Variants in KCNA2 observed in about 807,000 individuals in gnomAD.
KCNA2 encodes the protein potassium channel, voltage gated shaker related subfamily A, member 2.
Under a neutral mutation model 33.4 loss-of-function variants are expected in KCNA2, and 11 were observed. The observed-to-expected ratio is 0.33, with a 90% CI of 0.21 to 0.55. The LOEUF (loss-of-function observed/expected upper bound fraction) is 0.55, where lower values mean the gene tolerates loss of function less well. KCNA2 is among the 20% of genes least tolerant of loss of function. The probability of loss-of-function intolerance (pLI) is 0.93; values close to 1 mark genes in which losing one functional copy is unlikely to be tolerated. For synonymous variants in KCNA2, 222 were observed against 231.3 expected, an observed-to-expected ratio of 0.96 and a Z score of 0.37; for missense variants, 291 against 621.6, an observed-to-expected ratio of 0.47 and a Z score of 5.66.
Position 110,596,669 on chromosome 1 carries a change from G to T in KCNA2, c.*6614C>A. 1.1e-6 allele frequency: 1 copy of T among 921,128 alleles called. No homozygotes were observed. The highest frequency in any genetic ancestry group is 1.3e-6 in the Non-Finnish European group (1 of 771,388). 57.1% of individuals were successfully genotyped at this position (921,128 alleles called of 1,614,324 possible). A position where few individuals can be genotyped will look rare whatever the true frequency, so the allele number is the denominator to read the frequency against. On this transcript the variant is annotated 3_prime_UTR_variant, in exon 3 of 3. Transcript: ENST00000316361. ...TCAAACACTCTACTTAACTAAGGCAGGAAAGTTATGCTAACCTACTTAGGA... is the reference window on the plus strand; with the variant it reads ...TCAAACACTCTACTTAACTAAGGCATGAAAGTTATGCTAACCTACTTAGGA...
At chr1:110,609,729 A>T (rs746927968), upstream of KCNA2, among the ~76,000 whole-genome samples, 3 of 152,212 alleles carry the variant, frequency 2.0e-5, no homozygotes, top group Non-Finnish European at 4.4e-5. Flanking sequence ...AAGGGGGAAA[A>T]AAAAGAACCA....
At chr1:110,624,335 G>A (rs1650338036) in intron 1 of KCNA2, among the ~76,000 whole-genome samples, 1 of 152,226 alleles carries the variant, frequency 6.6e-6, no homozygotes, top group Admixed American at 6.5e-5. Flanking sequence ...ACTGGTATAT[G>A]CTGTAACATG....
chr1:110,620,067 AGAGAGAGAGAGAGAGAGAGAGTGAGT>A lies in KCNA2; in HGVS notation c.-496+11302_-496+11327del, dbSNP rs1157456150. On this transcript the variant is annotated intron_variant, in intron 1 of 4. Transcript: ENST00000369770. Reference sequence around the variant, plus strand: ...GAGAGCGAGAGCGAGAGAGAGAGAGAGAGAGAGAGAGAGAGAGAGAGTGAGTGAGAGAGAGAGAGAGAAATTTGGTG... The same window carrying A: ...GAGAGCGAGAGCGAGAGAGAGAGAGAGAGAGAGAGAGAGAGAAATTTGGTG... Among the ~76,000 whole-genome samples, 5 of 143,810 alleles carry A rather than the reference AGAGAGAGAGAGAGAGAGAGAGTGAGT, an allele frequency of 3.5e-5. No homozygotes were observed. In the East Asian group the frequency reaches 1.1e-3, roughly 30 times the overall value. 94.3% of individuals were successfully genotyped at this position (143,810 alleles called of 152,430 possible).
chr1:110,602,896 G>C lies in KCNA2; in HGVS notation c.*387C>G. On this transcript the variant is annotated 3_prime_UTR_variant, in exon 3 of 3. Coordinates refer to ENST00000316361, the MANE Select transcript of KCNA2 (RefSeq NM_004974.4). ...ATTGTGTTCCTCTGTGAAAGGGCAG[G>C]TGGGCTCAAATAAGGTGGTGGGATG... is the stretch of plus-strand genomic sequence containing the variant. 1 of 1,033,186 alleles carries C rather than the reference G, an allele frequency of 9.7e-7. No homozygotes were observed. The highest frequency in any genetic ancestry group is 1.2e-6 in the Non-Finnish European group (1 of 861,502). 64.0% of individuals were successfully genotyped at this position (1,033,186 alleles called of 1,614,324 possible).
chr1:110,602,206 C>G lies in KCNA2; in HGVS notation c.*1077G>C. On this transcript the variant is annotated 3_prime_UTR_variant, in exon 3 of 3. Coordinates refer to ENST00000316361, the MANE Select transcript of KCNA2 (RefSeq NM_004974.4). ...GAACAGGGATAGGTAGGCTGGGGGGCCAGAAGTTTTAGTTCCATTCCAAAT... is the reference window on the plus strand; with the variant it reads ...GAACAGGGATAGGTAGGCTGGGGGGGCAGAAGTTTTAGTTCCATTCCAAAT... The G allele has an allele frequency of 4.5e-6, 7 of 1,548,682 alleles. No individual in the cohort carries two copies. Among genetic ancestry groups the G allele is most frequent in the Non-Finnish European group, 6.1e-6 (7 of 1,146,410 alleles).
upstream of KCNA2, among the ~76,000 whole-genome samples, chr1:110,610,748 C>T (rs1447681225): frequency 2.0e-5 from 3 of 152,120 alleles, no homozygotes; most frequent in African/African-American, 4.8e-5. Flanking sequence ...CTGGAGGCAA[C>T]CTGACCTCAC....
upstream of KCNA2, among the ~76,000 whole-genome samples, chr1:110,608,436 C>A (rs1162012735): frequency 6.6e-6 from 1 of 152,192 alleles, no homozygotes; most frequent in Non-Finnish European, 1.5e-5. Context: ...AGGAAGTCCC[C>A]ACTGGGCCCT....
rs1648989481 is a variant in KCNA2 at position 110,594,228 on chromosome 1, C to A, written c.*9055G>T. On this transcript the variant is annotated 3_prime_UTR_variant, in exon 3 of 3. Transcript: ENST00000316361. ...AAGCAGCAAGGAAGCCAGTGCAAAC[C>A]CTAACTGGAGTCTGTGCTGCATGAG... 13 of 1,107,122 alleles carry A rather than the reference C, an allele frequency of 1.2e-5. No individual in the cohort carries two copies. Among genetic ancestry groups the A allele is most frequent in the African/African-American group, 3.3e-5 (2 of 60,180 alleles). 68.6% of individuals were successfully genotyped at this position (1,107,122 alleles called of 1,614,324 possible). A position where few individuals can be genotyped will look rare whatever the true frequency, so the allele number is the denominator to read the frequency against.
At chr1:110,622,207 A>G (rs1354428881) in intron 1 of KCNA2, among the ~76,000 whole-genome samples, 2 of 152,198 alleles carry the variant, frequency 1.3e-5, no homozygotes, top group Admixed American at 6.5e-5. Context: ...TAAGAAATCA[A>G]TGTAATTCAC....
In KCNA2 at chr1:110,596,020, G is replaced by A. The variant is rs1649084133; in HGVS notation, c.*7263C>T. On this transcript the variant is annotated 3_prime_UTR_variant, in exon 3 of 3. Coordinates refer to ENST00000316361, the MANE Select transcript of KCNA2 (RefSeq NM_004974.4). ...GCCAACCAGGGCAGACAGAAGAAAG[G>A]CTAAAGCACCTGGCTGTTAGATCAG... 1.0e-6 allele frequency: 1 copy of A among 985,306 alleles called. No individual in the cohort carries two copies. The highest frequency in any genetic ancestry group is 1.2e-6 in the Non-Finnish European group (1 of 829,926). 61.0% of individuals were successfully genotyped at this position (985,306 alleles called of 1,614,324 possible). A position where few individuals can be genotyped will look rare whatever the true frequency, so the allele number is the denominator to read the frequency against.
At chr1:110,612,805 A>C (rs1001039349) in intron 1 of KCNA2, among the ~76,000 whole-genome samples, 1 of 152,180 alleles carries the variant, frequency 6.6e-6, no homozygotes, top group South Asian at 2.1e-4. Flanking sequence ...CTAAACCTCC[A>C]TCCTGGAAGT....
At position 110,597,977 on chromosome 1, in the gene KCNA2, G is replaced by T. The variant is rs1649168867; in HGVS notation, c.*5306C>A. 3 of 985,306 alleles carry T rather than the reference G, an allele frequency of 3.0e-6. No homozygotes were observed. Among genetic ancestry groups the T allele is most frequent in the Non-Finnish European group, 3.6e-6 (3 of 829,886 alleles). The allele number at this position is 985,306 out of a possible 1,614,324, so 61.0% of individuals were successfully genotyped here. A position where few individuals can be genotyped will look rare whatever the true frequency, so the allele number is the denominator to read the frequency against. On this transcript the variant is annotated 3_prime_UTR_variant, in exon 3 of 3. Coordinates refer to ENST00000316361, the MANE Select transcript of KCNA2 (RefSeq NM_004974.4). ...TGTCCCTGCTGGTTGCTTTGATAGG[G>T]GAACAGGGTTGGACTCAACAAGGGC...
At chr1:110,623,182 A>G (rs1041235931) in intron 1 of KCNA2, among the ~76,000 whole-genome samples, 1 of 152,224 alleles carries the variant, frequency 6.6e-6, no homozygotes. Flanking sequence ...TGGACAATTG[A>G]TTTTTGATAA....
Position 110,598,285 on chromosome 1 carries a change from C to T in KCNA2, c.*4998G>A. On this transcript the variant is annotated 3_prime_UTR_variant, in exon 3 of 3. Coordinates refer to ENST00000316361, the MANE Select transcript of KCNA2 (RefSeq NM_004974.4). The stretch of plus-strand genomic sequence containing the variant: ...TCTGGGGAGCAGAGCTCAGCACCAT[C>T]ATCCCCTCTCTTGAGTAAACAAGTC... The T allele has an allele frequency of 1.3e-6, 1 of 757,154 alleles. No homozygotes were observed. 46.9% of individuals were successfully genotyped at this position (757,154 alleles called of 1,614,324 possible).
chr1:110,597,283 C>A lies in KCNA2; in HGVS notation c.*6000G>T, dbSNP rs2101362368. The A allele has an allele frequency of 1.0e-6, 1 of 985,344 alleles. No homozygotes were observed. Among genetic ancestry groups the A allele is most frequent in the South Asian group, 4.7e-5 (1 of 21,286 alleles). The allele number at this position is 985,344 out of a possible 1,614,324, so 61.0% of individuals were successfully genotyped here. On this transcript the variant is annotated 3_prime_UTR_variant, in exon 3 of 3. Coordinates refer to ENST00000316361, the MANE Select transcript of KCNA2 (RefSeq NM_004974.4). The stretch of plus-strand genomic sequence containing the variant: ...AAGGATCAAGTAATGGCTTTTAGTG[C>A]ATGGAAATGATCTTCTGTAATGGCT...
chr1:110,606,637 G>C (rs115812278), upstream of KCNA2: 4 of 152,436 alleles, frequency 2.6e-5, no homozygotes, highest in Non-Finnish European at 5.9e-5. Context: ...CCTGCTGCGG[G>C]CCCAAGCGCA....
chr1:110,595,700 G>A lies in KCNA2; in HGVS notation c.*7583C>T, dbSNP rs187409466. 3.0e-6 allele frequency: 3 copies of A among 985,270 alleles called. No homozygotes were observed. In the Admixed American group the frequency reaches 1.8e-4, roughly 61 times the overall value. The allele number at this position is 985,270 out of a possible 1,614,324, so 61.0% of individuals were successfully genotyped here. A position where few individuals can be genotyped will look rare whatever the true frequency, so the allele number is the denominator to read the frequency against. The stretch of plus-strand genomic sequence containing the variant: ...ACAGCTTACCCCCAAAGAGGCAACT[G>A]AATTTCAGCTGCTCTAATACCCACA... On this transcript the variant is annotated 3_prime_UTR_variant, in exon 3 of 3. Coordinates refer to ENST00000316361, the MANE Select transcript of KCNA2 (RefSeq NM_004974.4).
chr1:110,598,765 A>G lies in KCNA2; in HGVS notation c.*4518T>C. On this transcript the variant is annotated 3_prime_UTR_variant, in exon 3 of 3. Transcript: ENST00000316361. ...AGAGGGACAGAGGCAAGCAGAGAAG[A>G]AGGAAGAGAGCATGTCAAATATTAC... is the stretch of plus-strand genomic sequence containing the variant. 1.0e-6 allele frequency: 1 copy of G among 985,300 alleles called. No individual in the cohort carries two copies. 61.0% of individuals were successfully genotyped at this position (985,300 alleles called of 1,614,324 possible).
chr1:110,614,107 T>TC (rs1268389255), intron 1 of KCNA2, among the ~76,000 whole-genome samples: 5 of 152,086 alleles, frequency 3.3e-5, no homozygotes, highest in Non-Finnish European at 7.4e-5. Flanking sequence ...CTTCCTCCCC[T>TC]CCCCTGCACC....
Sources: allele counts gnomAD v4.1 joint callset (sites outside exome capture counted in the v4.1 genomes callset), GRCh38; gene constraint gnomAD v4.1.1; transcripts MANE v1.5; gene names NCBI Gene and HGNC (gene_info 2026-07-23, HGNC 2026-07-21).